Variants in WNK3 observed in about 807,000 individuals in gnomAD.
WNK3 encodes WNK lysine deficient protein kinase 3.
WNK3 carries 18 observed loss-of-function variants against 116.7 expected under a neutral mutation model. The observed-to-expected ratio is 0.15, with a 90% CI of 0.11 to 0.23. WNK3 has a LOEUF of 0.23. Among genes scored for constraint, WNK3 ranks in the 10% least tolerant of loss-of-function variants. WNK3 has a pLI of 1.00. For synonymous variants in WNK3, 404 were observed against 469.4 expected, an observed-to-expected ratio of 0.86 and a Z score of 1.80; for missense variants, 993 against 1,323.8, an observed-to-expected ratio of 0.75 and a Z score of 3.88.
At chrX:54,258,770 GAAAT>G (rs1287829658) in intron 11 of WNK3, among the ~76,000 whole-genome samples, 43 of 105,277 alleles carry the variant, frequency 4.1e-4, no homozygotes, top group Non-Finnish European at 7.6e-4. Context: ...AGAAAGTATA[GAAAT>G]AAACAATCAC....
At chrX:54,296,393 G>T (rs1200158441) in intron 7 of WNK3, among the ~76,000 whole-genome samples, 3 of 110,994 alleles carry the variant, frequency 2.7e-5, no homozygotes, top group Non-Finnish European at 5.7e-5. Context: ...ACACTAGAAG[G>T]ATTCAATATG....
chrX:54,284,308 T>C (rs1557163430), intron 10 of WNK3, among the ~76,000 whole-genome samples: 6 of 111,461 alleles, frequency 5.4e-5, no homozygotes. Context: ...CTCAACATCA[T>C]AGTCATCGGG....
At chrX:54,197,133 T>C (rs2067450740) in exon 24 of WNK3, 1 of 111,684 alleles carries the variant, frequency 9.0e-6, no homozygotes, top group Admixed American at 9.6e-5. Flanking sequence ...TGGATTGAGG[T>C]GTAGCTTTAA....
chrX:54,279,560 C>T (rs2068491491), intron 10 of WNK3, among the ~76,000 whole-genome samples: 1 of 111,175 alleles, frequency 9.0e-6, no homozygotes, highest in Non-Finnish European at 1.9e-5. Context: ...GGACATCCTA[C>T]CTCAACAAAC....
intron 22 of WNK3, among the ~76,000 whole-genome samples, chrX:54,226,904 T>G (rs1472439355): frequency 9.0e-6 from 1 of 111,228 alleles, no homozygotes; most frequent in Non-Finnish European, 1.9e-5. Context: ...TGACCTTAAG[T>G]TAGGCAATAG....
intron 10 of WNK3, among the ~76,000 whole-genome samples, chrX:54,260,080 A>C (rs1035251008): frequency 9.0e-6 from 1 of 111,480 alleles, no homozygotes; most frequent in Non-Finnish European, 1.9e-5. Context: ...ATCTAGCCTT[A>C]TCTCTCTGTT....
intron 22 of WNK3, among the ~76,000 whole-genome samples, chrX:54,218,583 A>G (rs1273097807): frequency 3.7e-5 from 4 of 108,913 alleles, no homozygotes; most frequent in African/African-American, 1.3e-4. Flanking sequence ...AAAAAAAAAA[A>G]AAAGAAAAGA....
At chrX:54,260,166 C>T (rs1193090303) in intron 10 of WNK3, among the ~76,000 whole-genome samples, 2 of 111,778 alleles carry the variant, frequency 1.8e-5, no homozygotes, top group African/African-American at 6.5e-5. Context: ...TATATTCCTC[C>T]ACTTCCCTAA....
intron 10 of WNK3, among the ~76,000 whole-genome samples, chrX:54,269,918 C>T (rs2068360243): frequency 1.8e-5 from 2 of 110,746 alleles, no homozygotes; most frequent in South Asian, 7.8e-4. Flanking sequence ...ATTTGAAGAA[C>T]AGCTGGTATG....
chrX:54,278,999 C>T (rs1209231854), intron 10 of WNK3, among the ~76,000 whole-genome samples: 3 of 110,845 alleles, frequency 2.7e-5, no homozygotes, highest in African/African-American at 6.5e-5. Context: ...ACCCGGGAGG[C>T]GGAGGTTGCA....
At chrX:54,335,319 T>C (rs1383300859) in intron 1 of WNK3, among the ~76,000 whole-genome samples, 2 of 111,932 alleles carry the variant, frequency 1.8e-5, no homozygotes, top group African/African-American at 3.2e-5. Context: ...CTATATATTA[T>C]ATGGTTAAAT....
exon 23 of WNK3, chrX:54,202,067 A>T (rs1557141762): frequency 1.7e-6 from 2 of 1,211,617 alleles, no homozygotes; most frequent in Non-Finnish European, 2.2e-6. Context: ...TGGCTTAATA[A>T]GAGAATTTCC....
At chrX:54,354,437 AG>A (rs781876398) in intron 1 of WNK3, among the ~76,000 whole-genome samples, 1 of 111,564 alleles carries the variant, frequency 9.0e-6, no homozygotes, top group African/African-American at 3.3e-5. Context: ...CTGAGAAAGG[AG>A]GGGTTTTTTT....
At chrX:54,315,196 G>C (rs782512220) in intron 2 of WNK3, among the ~76,000 whole-genome samples, 1 of 108,811 alleles carries the variant, frequency 9.2e-6, no homozygotes, top group East Asian at 2.9e-4. Context: ...CTAGCTACTT[G>C]GGAGGCTGAG....
intron 6 of WNK3, among the ~76,000 whole-genome samples, chrX:54,299,857 G>A (rs1569538323): frequency 9.1e-6 from 1 of 110,483 alleles, no homozygotes; most frequent in Non-Finnish European, 1.9e-5. Flanking sequence ...TAGTTTGCTT[G>A]TTTGTTTGCT....
chrX:54,338,859 G>A (rs192723300), intron 1 of WNK3, among the ~76,000 whole-genome samples: 13 of 108,592 alleles, frequency 1.2e-4, no homozygotes, highest in Middle Eastern at 4.8e-3. Flanking sequence ...AAAATTAGCC[G>A]GGTGTGGTGG....
At chrX:54,315,949 ACTCT>A (rs781841049) in intron 2 of WNK3, among the ~76,000 whole-genome samples, 1 of 109,968 alleles carries the variant, frequency 9.1e-6, no homozygotes, top group Non-Finnish European at 1.9e-5. Context: ...GCAAAAGCTA[ACTCT>A]CTCTCCTACT....
chrX:54,222,679 C>T (rs1236162869), intron 22 of WNK3, among the ~76,000 whole-genome samples: 1 of 108,156 alleles, frequency 9.2e-6, no homozygotes, highest in African/African-American at 3.4e-5. Context: ...GAGTTTGAGG[C>T]CAACCTGGCC....
chrX:54,335,206 G>A (rs1036420558), intron 1 of WNK3, among the ~76,000 whole-genome samples: 1 of 110,532 alleles, frequency 9.0e-6, no homozygotes, highest in Non-Finnish European at 1.9e-5. Context: ...CTGAGGTTGC[G>A]CCACTGCACT....
Sources: gnomAD v4.1 joint callset for allele counts (sites outside exome capture counted in the v4.1 genomes callset) on GRCh38, gnomAD v4.1.1 for gene constraint, MANE v1.5 for transcripts, NCBI Gene and HGNC (gene_info 2026-07-23, HGNC 2026-07-21) for gene names.